The following AARS1 variants were observed in gnomAD, a reference collection of about 807,000 sequenced individuals.
AARS1 encodes the protein alanyl-tRNA synthetase 1.
Under a neutral mutation model 108.9 loss-of-function variants are expected in AARS1, and 72 were observed. The ratio of observed to expected loss-of-function variants is 0.66; its 90% CI spans 0.55 to 0.80. The LOEUF is 0.80. Ranked by LOEUF, AARS1 falls within the 30% of genes least tolerant of loss-of-function variation. The pLI is 0.00. For synonymous variants in AARS1, 489 were observed against 465.7 expected, an observed-to-expected ratio of 1.05 and a Z score of -0.64; for missense variants, 1,193 against 1,233.2, an observed-to-expected ratio of 0.97 and a Z score of 0.49.
rs879254073 is a variant in AARS1 at position 70,255,807 on chromosome 16, G to T, written c.2207C>A (p.Ala736Asp). The T allele has an allele frequency of 6.2e-7, 1 of 1,614,114 alleles. No individual in the cohort carries two copies. Among genetic ancestry groups the T allele is most frequent in the Admixed American group, 1.7e-5 (1 of 60,012 alleles). ...GGCTTCTTCCGTCACGATCACAAAA[G>T]CTCCTGCATGACTCGAGTTCCGCAG... Reference protein sequence around the residue: ...THLRNSSHAGAFVIVTEEAIA... With the variant: ...THLRNSSHAGDFVIVTEEAIA... The change falls in exon 16 of 21, where the codon GCT becomes GAT. Residue 736 changes from alanine (A) to aspartate (D), a missense_variant. Transcript: ENST00000261772.
rs1372110921 is a variant in AARS1 at position 70,252,672 on chromosome 16, A to G, written c.*49T>C. 3 of 1,596,140 alleles carry G rather than the reference A, an allele frequency of 1.9e-6. No homozygotes were observed. Among genetic ancestry groups the G allele is most frequent in the South Asian group, 1.1e-5 (1 of 90,360 alleles). ...TCAAATGTTCTTGTAGCAGATGAAG[A>G]GCTCTTGGCTGGACGGATGGATCCA... On this transcript the variant is annotated 3_prime_UTR_variant, in exon 21 of 21. Transcript: ENST00000261772.
At chr16:70,269,519 G>A (rs1035200879) in intron 7 of AARS1, 99 bp downstream of exon 7, 10 of 1,539,624 alleles carry the variant, frequency 6.5e-6, no homozygotes, top group Non-Finnish European at 8.8e-6. Context: ...GGGCAACAGA[G>A]CAACACTCAA....
chr16:70,279,414 C>T (rs1473577331), intron 2 of AARS1, among the ~76,000 whole-genome samples: 7 of 145,696 alleles, frequency 4.8e-5, no homozygotes, highest in Non-Finnish European at 6.0e-5. Context: ...AATCCCAGCA[C>T]TTTGGGAGGC....
intron 9 of AARS1, among the ~76,000 whole-genome samples, chr16:70,266,333 A>T (rs1047775493): frequency 1.9e-4 from 29 of 150,530 alleles, no homozygotes; most frequent in African/African-American, 6.8e-4. Flanking sequence ...AAATAAAAAA[A>T]AATAAATAAA....
chr16:70,286,515 C>T (rs191588152), intron 1 of AARS1, among the ~76,000 whole-genome samples: 1 of 152,040 alleles, frequency 6.6e-6, no homozygotes, highest in Non-Finnish European at 1.5e-5. Flanking sequence ...CATGTGCCAC[C>T]AAACCCGACT....
chr16:70,255,947 C>T, intron 15 of AARS1, 111 bp from the exon 16 acceptor site: 2 of 1,040,386 alleles, frequency 1.9e-6, no homozygotes, highest in Non-Finnish European at 2.9e-6. Context: ...CAGGGAAAGC[C>T]TGGGCTTGAG....
Position 70,259,003 on chromosome 16 carries a change from T to C in AARS1, c.1969A>G (p.Asn657Asp), listed in dbSNP as rs749039663. The change falls in exon 14 of 21, where the codon AAT becomes GAT. Residue 657 changes from asparagine to aspartate, a missense_variant. Transcript: ENST00000261772. ...ACCTTGGCTGCCTCAATCATCTCAT[T>C]AGCAATCTCTTCAGCCTTCTTGATC... ...QQIKKAEEIA[N>D]EMIEAAKAVY... 49 of 1,614,054 alleles carry C rather than the reference T, an allele frequency of 3.0e-5. No homozygotes were observed. Among genetic ancestry groups the C allele is most frequent in the Admixed American group, 5.0e-5 (3 of 59,990 alleles).
chr16:70,275,871 A>G (rs1567610123), intron 4 of AARS1, among the ~76,000 whole-genome samples: 1 of 128,490 alleles, frequency 7.8e-6, no homozygotes, highest in Non-Finnish European at 1.6e-5. Context: ...CAGGAAGCAG[A>G]GTTTGCAGTG....
intron 17 of AARS1, 97 bp from the exon 18 acceptor site, chr16:70,254,135 T>C (rs914285635): frequency 1.9e-6 from 3 of 1,540,650 alleles, no homozygotes; most frequent in African/African-American, 1.4e-5. Flanking sequence ...CCCTGACTAG[T>C]GTCCTGGAAA....
intron 1 of AARS1, among the ~76,000 whole-genome samples, chr16:70,283,136 C>T (rs1393405575): frequency 6.6e-6 from 1 of 152,174 alleles, no homozygotes; most frequent in Non-Finnish European, 1.5e-5. Flanking sequence ...CGATGGCTCA[C>T]GCCTGTAATC....
At chr16:70,252,941 G>T in intron 20 of AARS1, 35 bp from the exon 21 acceptor site, 2 of 1,605,590 alleles carry the variant, frequency 1.2e-6, no homozygotes, top group Non-Finnish European at 1.7e-6. Context: ...AGTCAGCACA[G>T]AAGATGGGAT....
rs778342335 is a variant in AARS1, at chr16:70,252,876, C to T, written c.2752G>A (p.Glu918Lys). 33 of 1,613,982 alleles carry T rather than the reference C, an allele frequency of 2.0e-5. No homozygotes were observed. The highest frequency in any genetic ancestry group is 4.0e-5 in the African/African-American group (3 of 74,938). Residue 918 changes from glutamate to lysine, a missense_variant, in exon 21 of 21, where the codon GAG (glutamate) becomes AAG (lysine). Coordinates refer to ENST00000261772, the MANE Select transcript of AARS1 (RefSeq NM_001605.3). ...NAANRGLKAS[E>K]WVQQVSGLMD... Reference sequence around the variant, plus strand: ...AAGCCTGACACCTGCTGCACCCACTCGCTGGCTTTTAAGCCCCGATTGGCT... The same window carrying T: ...AAGCCTGACACCTGCTGCACCCACTTGCTGGCTTTTAAGCCCCGATTGGCT...
chr16:70,253,469 C>T, intron 19 of AARS1, 88 bp from the exon 20 acceptor site: 1 of 1,162,588 alleles, frequency 8.6e-7, no homozygotes, highest in East Asian at 2.4e-5. Context: ...GGCCTGCCAC[C>T]CACCCCTACC....
rs934204551 is a variant in AARS1 at position 70,282,173 on chromosome 16, A to C, written c.144+447T>G. Among the ~76,000 whole-genome samples, 23 of 151,490 alleles carry C rather than the reference A, an allele frequency of 1.5e-4. 2 individuals are homozygous for C. The highest frequency in any genetic ancestry group is 1.2e-3 in the Admixed American group (18 of 15,170). On this transcript the variant is annotated intron_variant, in intron 2 of 20. Coordinates refer to ENST00000261772, the MANE Select transcript of AARS1 (RefSeq NM_001605.3). ...TCTCAAAAAAAAATAATGATAATAC[A>C]AAAAAATTTGCCAGGCATGGTGGCG...
At chr16:70,275,397 C>A (rs920170663) in intron 4 of AARS1, among the ~76,000 whole-genome samples, 1 of 151,634 alleles carries the variant, frequency 6.6e-6, no homozygotes, top group East Asian at 2.0e-4. Context: ...GGGCAGATCA[C>A]GAGGTCAGGA....
chr16:70,252,784 C>A lies in AARS1; in HGVS notation c.2844G>T (p.Leu948=). The change falls in exon 21 of 21, where the codon CTG becomes CTT. Residue 948 remains leucine, a synonymous_variant. Coordinates refer to ENST00000261772, the MANE Select transcript of AARS1 (RefSeq NM_001605.3). ...AQATGKNVGC[L]QEALQLATSF... ...AAGTGGCCAGCTGCAGCGCCTCCTG[C>A]AGGCAGCCAACGTTCTTGCCTGTGG... 6.2e-7 allele frequency: 1 copy of A among 1,614,210 alleles called. No homozygotes were observed. The highest frequency in any genetic ancestry group is 8.5e-7 in the Non-Finnish European group (1 of 1,180,032).
chr16:70,261,907 G>A (rs1030903785), intron 12 of AARS1, among the ~76,000 whole-genome samples: 3 of 151,952 alleles, frequency 2.0e-5, no homozygotes, highest in African/African-American at 4.8e-5. Flanking sequence ...GACCTCAGGC[G>A]ATCCACCCGC....
At chr16:70,274,808 A>G (rs1335674362) in intron 4 of AARS1, among the ~76,000 whole-genome samples, 2 of 152,154 alleles carry the variant, frequency 1.3e-5, no homozygotes, top group Non-Finnish European at 2.9e-5. Flanking sequence ...GAACAAGGCC[A>G]GGAAGACTAG....
In AARS1 at chr16:70,277,023, G is replaced by T; in HGVS notation, c.276C>A (p.Val92=). 4 of 1,614,178 alleles carry T rather than the reference G, an allele frequency of 2.5e-6. No homozygotes were observed. Among genetic ancestry groups the T allele is most frequent in the Non-Finnish European group, 3.4e-6 (4 of 1,180,038 alleles). ...HNDLDDVGKD[V]YHHTFFEMLG... is the part of the protein sequence containing the mutation. The stretch of plus-strand genomic sequence containing the variant: ...GCATCTCGAAGAAGGTGTGATGATA[G>T]ACATCCTTGCCCACATCGTCCAGGT... The change falls in exon 3 of 21, where the codon GTC becomes GTA. Residue 92 remains valine, a synonymous_variant. Transcript: ENST00000261772.
Sources: gnomAD v4.1 joint callset for allele counts (sites outside exome capture counted in the v4.1 genomes callset) on GRCh38, gnomAD v4.1.1 for gene constraint, MANE v1.5 for transcripts, NCBI Gene and HGNC (gene_info 2026-07-23, HGNC 2026-07-21) for gene names.